GLB1: variants seen among roughly 807,000 people sequenced by gnomAD.
The protein encoded by GLB1 is beta-galactosidase.
In GLB1, 56 loss-of-function variants were observed where a neutral mutation model predicts 74.0. That is an observed-to-expected ratio of 0.76 (90% confidence interval 0.61 to 0.94). The LOEUF is 0.94. GLB1 is among the 40% of genes least tolerant of loss of function. GLB1 has a pLI of 0.00. For synonymous variants in GLB1, 323 were observed against 323.6 expected (o/e 1.00, Z 0.02); for missense variants, 787 against 845.5 (o/e 0.93, Z 0.86).
rs1575417567 is a variant in GLB1, at chr3:33,021,430, A to G, written c.1233+136T>C. The G allele has an allele frequency of 1.3e-5, 12 of 948,758 alleles. No individual in the cohort carries two copies. The East Asian group carries it at 3.1e-4, about 25-fold the overall frequency. The allele number at this position is 948,758 out of a possible 1,614,324, so 58.8% of individuals were successfully genotyped here. ...CAAGCTAAAGAGAGCCTGGAAATTC[A>G]TGGTTCATTTACCTGGGATCTGATG... On this transcript the variant is annotated intron_variant, in intron 12 of 15. Coordinates refer to ENST00000307363, the MANE Select transcript of GLB1 (RefSeq NM_000404.4).
Position 33,093,860 on chromosome 3 carries a change from A to G in GLB1, c.75+3151T>C, listed in dbSNP as rs1315071376. ...AGGAGTAGGCCGCCAAGGAAAAGAG[A>G]TAGGGCTCTTCGGCCACTAAAAAGA... On this transcript the variant is annotated intron_variant, in intron 1 of 15. Coordinates refer to ENST00000307363, the MANE Select transcript of GLB1 (RefSeq NM_000404.4). The surrounding 1 kb of genome is among the most constrained non-coding windows in gnomAD (Gnocchi z 6.0). 3.7e-6 allele frequency: 6 copies of G among 1,613,644 alleles called. No individual in the cohort carries two copies. The highest frequency in any genetic ancestry group is 5.1e-6 in the Non-Finnish European group (6 of 1,179,858).
At chr3:33,082,798 T>A (rs1029308145) in intron 1 of GLB1, among the ~76,000 whole-genome samples, 2 of 152,182 alleles carry the variant, frequency 1.3e-5, no homozygotes, top group African/African-American at 4.8e-5. Flanking sequence ...TGTCTGTGCA[T>A]TCATGGACTG....
At chr3:32,962,708 G>A in the GLB1 span, among the ~76,000 whole-genome samples, 1 of 151,556 alleles carries the variant, frequency 6.6e-6, no homozygotes, top group Non-Finnish European at 1.5e-5. Flanking sequence ...CATTATGAAA[G>A]AGAATAGAAA....
In GLB1 at chr3:33,077,460, T is replaced by C. The variant is rs997134983; in HGVS notation, c.76-4747A>G. The C allele has an allele frequency of 1.9e-5, 15 of 782,146 alleles. No homozygotes were observed. The African/African-American group carries it at 2.2e-4, about 12-fold the overall frequency. The allele number at this position is 782,146 out of a possible 1,614,324, so 48.5% of individuals were successfully genotyped here. On this transcript the variant is annotated intron_variant, in intron 1 of 15. Coordinates refer to ENST00000307363, the MANE Select transcript of GLB1 (RefSeq NM_000404.4). ...ATGGAGGATGAAGATACAACCGATA[T>C]GTTCCAACAGCAGTCAGGGGGTGTC...
At chr3:32,996,596 T>G (rs569828403), downstream of GLB1, 5 of 255,770 alleles carry the variant, frequency 2.0e-5, no homozygotes, top group South Asian at 2.5e-4. Flanking sequence ...AGTCCACAGA[T>G]CAAACCAAGA....
At chr3:33,032,447 C>T (rs778365758) in intron 10 of GLB1, among the ~76,000 whole-genome samples, 46 of 152,134 alleles carry the variant, frequency 3.0e-4, no homozygotes, top group Non-Finnish European at 6.3e-4. Context: ...TCTCAGGTGC[C>T]GATCCCAGTA....
intron 9 of GLB1, among the ~76,000 whole-genome samples, chr3:33,046,574 G>C (rs1424955218): frequency 6.6e-6 from 1 of 152,040 alleles, no homozygotes; most frequent in Non-Finnish European, 1.5e-5. Flanking sequence ...AAGCAGTAAT[G>C]GCAGGGCTTA....
At chr3:32,969,423 G>A in the GLB1 span, among the ~76,000 whole-genome samples, 1 of 152,204 alleles carries the variant, frequency 6.6e-6, no homozygotes, top group Admixed American at 6.5e-5. Context: ...GCTCTTAAAT[G>A]CTGTATGGGC....
At chr3:32,970,161 T>A in the GLB1 span, among the ~76,000 whole-genome samples, 1 of 152,200 alleles carries the variant, frequency 6.6e-6, no homozygotes, top group Admixed American at 6.5e-5. Flanking sequence ...AGGACTTAAC[T>A]TGACTATTAA....
the GLB1 span, among the ~76,000 whole-genome samples, chr3:32,969,674 A>T: frequency 2.0e-5 from 3 of 152,210 alleles, no homozygotes; most frequent in Admixed American, 1.3e-4. Flanking sequence ...TTGAAGGAGG[A>T]TGGTAAAAAT....
chr3:33,051,935 C>T lies in GLB1; in HGVS notation c.862G>A (p.Ala288Thr), dbSNP rs777753680. ...ATATCATAGAGGGAGGAAGCCACTG[C>T]TTCGGTCTTGATTGTGGAGTGAGGT... ...GQPHSTIKTE[A>T]VASSLYDILA... Residue 288 changes from alanine to threonine, a missense_variant, in exon 8 of 16, where the codon GCA becomes ACA. Physicochemically the swap from Ala to Thr is moderately conservative, Grantham distance 58 (BLOSUM62 0). Coordinates refer to ENST00000307363, the MANE Select transcript of GLB1 (RefSeq NM_000404.4). 6.2e-7 allele frequency: 1 copy of T among 1,614,116 alleles called. No individual in the cohort carries two copies. Among genetic ancestry groups the T allele is most frequent in the Non-Finnish European group, 8.5e-7 (1 of 1,180,048 alleles).
intron 1 of GLB1, among the ~76,000 whole-genome samples, chr3:33,074,731 G>A (rs114458674): frequency 6.6e-6 from 1 of 152,240 alleles, no homozygotes; most frequent in African/African-American, 2.4e-5. Context: ...TTTCCATTAT[G>A]GGTCAGATTC....
intron 6 of GLB1, among the ~76,000 whole-genome samples, chr3:33,057,471 C>T (rs1380542022): frequency 6.6e-6 from 1 of 152,230 alleles, no homozygotes; most frequent in Non-Finnish European, 1.5e-5. Context: ...ATCCTAACCA[C>T]ATTGCCCACC....
intron 12 of GLB1, 149 bp downstream of exon 12, chr3:33,021,417 A>G: frequency 1.1e-6 from 1 of 887,438 alleles, no homozygotes; most frequent in Non-Finnish European, 1.8e-6. Flanking sequence ...AGCTAAAGAG[A>G]GCCTGGAAAT....
At chr3:33,004,642 G>C (rs1187684919) in intron 15 of GLB1, among the ~76,000 whole-genome samples, 1 of 152,232 alleles carries the variant, frequency 6.6e-6, no homozygotes, top group East Asian at 1.9e-4. Flanking sequence ...GAAGACACCT[G>C]TGAGCACTCA....
intron 7 of GLB1, 147 bp from the exon 8 acceptor site, chr3:33,052,151 C>CACTTCCAA (rs1435593836): frequency 7.3e-7 from 1 of 1,363,524 alleles, no homozygotes; most frequent in African/African-American, 1.4e-5. Context: ...CCCCAGTGAG[C>CACTTCCAA]ACTTCCAATA....
intron 6 of GLB1, among the ~76,000 whole-genome samples, chr3:33,056,944 A>G (rs1411283150): frequency 1.3e-5 from 2 of 152,244 alleles, no homozygotes; most frequent in South Asian, 2.1e-4. Context: ...ACACACAAAA[A>G]AAGTCCAGTC....
intron 12 of GLB1, among the ~76,000 whole-genome samples, chr3:33,019,139 C>CTAATAA (rs55687583): frequency 0.064 from 9,743 of 151,532 alleles, 502 homozygotes; most frequent in East Asian, 0.24. Flanking sequence ...GACCTCATCT[C>CTAATAA]TAATAATAAT....
intron 1 of GLB1, among the ~76,000 whole-genome samples, chr3:33,089,882 G>A (rs1255715848): frequency 2.0e-5 from 3 of 152,034 alleles, no homozygotes; most frequent in Non-Finnish European, 4.4e-5. Context: ...ACTTAAAAAT[G>A]GTTAAGATCA....
Sources: allele counts gnomAD v4.1 joint callset (sites outside exome capture counted in the v4.1 genomes callset), GRCh38; gene constraint gnomAD v4.1.1; non-coding constraint Gnocchi (gnomAD v3.1); transcripts MANE v1.5; gene names NCBI Gene and HGNC (gene_info 2026-07-23, HGNC 2026-07-21).